PPFIA2: variants seen among roughly 807,000 people sequenced by gnomAD.
The protein encoded by PPFIA2 is liprin-alpha-2.
A neutral mutation model predicts 175.5 loss-of-function variants in PPFIA2; 46 were observed. The ratio of observed to expected loss-of-function variants is 0.26; its 90% CI spans 0.21 to 0.34. PPFIA2 has a LOEUF of 0.34. Among genes scored for constraint, PPFIA2 ranks in the 10% least tolerant of loss-of-function variants. The probability of loss-of-function intolerance (pLI) is 1.00; values close to 1 mark genes in which losing one functional copy is unlikely to be tolerated. For missense variants in PPFIA2, 1,179 were observed against 1,506.1 expected (o/e 0.78, Z 3.60); for synonymous variants, 568 against 511.4 (o/e 1.11, Z -1.49).
At chr12:81,662,613 A>G (rs921659544) in intron 4 of PPFIA2, among the ~76,000 whole-genome samples, 1 of 152,202 alleles carries the variant, frequency 6.6e-6, no homozygotes, top group African/African-American at 2.4e-5. Flanking sequence ...GCCGAATTCT[A>G]CCAGAGGTAC....
At chr12:81,362,559 GAA>G in intron 15 of PPFIA2, 132 bp downstream of exon 15, 1 of 481,642 alleles carries the variant, frequency 2.1e-6, no homozygotes, top group Non-Finnish European at 3.7e-6. Context: ...GCAAATCAGT[GAA>G]GAGTCAAAAC....
At chr12:81,501,648 A>G (rs1325537085) in intron 4 of PPFIA2, among the ~76,000 whole-genome samples, 1 of 152,182 alleles carries the variant, frequency 6.6e-6, no homozygotes, top group East Asian at 1.9e-4. Context: ...GGCATGTATT[A>G]TTATTACCCA....
At chr12:81,539,704 T>C (rs1442629627) in intron 4 of PPFIA2, among the ~76,000 whole-genome samples, 3 of 151,964 alleles carry the variant, frequency 2.0e-5, no homozygotes, top group African/African-American at 7.2e-5. Context: ...TAAATGTTAA[T>C]ACAGTGTCAC....
intron 24 of PPFIA2, among the ~76,000 whole-genome samples, chr12:81,288,837 C>G (rs1172692528): frequency 6.6e-6 from 1 of 151,748 alleles, no homozygotes; most frequent in Non-Finnish European, 1.5e-5. Flanking sequence ...ACACCTCACT[C>G]TCTTTTCAAT....
intron 3 of PPFIA2, among the ~76,000 whole-genome samples, chr12:81,693,517 T>C (rs866990214): frequency 1.3e-5 from 2 of 152,254 alleles, no homozygotes; most frequent in South Asian, 2.1e-4. Context: ...CCATGCTCCT[T>C]GTAAAGCCTG....
Position 81,341,064 on chromosome 12 carries a change from C to A in PPFIA2, c.2393+14G>T. On this transcript the variant is annotated intron_variant, in intron 20 of 32. Transcript: ENST00000549396. ...GGAGGGCATTCAGTGTGCAGTGTGC[C>A]TGCAGAGTCTTACCTTCGAGCATCA... The A allele has an allele frequency of 6.2e-7, 1 of 1,604,546 alleles. No homozygotes were observed. The highest frequency in any genetic ancestry group is 8.5e-7 in the Non-Finnish European group (1 of 1,172,790).
At chr12:81,638,842 T>A (rs972622396) in intron 4 of PPFIA2, among the ~76,000 whole-genome samples, 1 of 150,018 alleles carries the variant, frequency 6.7e-6, no homozygotes, top group Non-Finnish European at 1.5e-5. Flanking sequence ...CGCCCGCCAC[T>A]ACGCCCGGCT....
chr12:81,501,137 T>G (rs2060553601), intron 4 of PPFIA2, among the ~76,000 whole-genome samples: 1 of 152,224 alleles, frequency 6.6e-6, no homozygotes, highest in Non-Finnish European at 1.5e-5. Flanking sequence ...CTACATGATT[T>G]GAATTCCCTT....
chr12:81,325,922 A>G (rs1264967158), intron 21 of PPFIA2, 52 bp from the exon 22 acceptor site: 26 of 1,331,766 alleles, frequency 2.0e-5, no homozygotes, highest in Non-Finnish European at 2.7e-5. Flanking sequence ...GGTTGTGTCA[A>G]TTCTGAAGTC....
intron 11 of PPFIA2, among the ~76,000 whole-genome samples, chr12:81,373,117 A>C (rs984807991): frequency 2.0e-5 from 3 of 151,822 alleles, no homozygotes; most frequent in Non-Finnish European, 4.4e-5. Context: ...ATCAAAGGTT[A>C]ATGTGGGGCA....
At chr12:81,536,699 T>C (rs1207586846) in intron 4 of PPFIA2, among the ~76,000 whole-genome samples, 4 of 145,080 alleles carry the variant, frequency 2.8e-5, no homozygotes, top group African/African-American at 1.0e-4. Context: ...ATGCTATATA[T>C]ATATAGCATG....
At chr12:81,508,709 A>G (rs1254195158) in intron 4 of PPFIA2, among the ~76,000 whole-genome samples, 1 of 151,134 alleles carries the variant, frequency 6.6e-6, no homozygotes, top group Non-Finnish European at 1.5e-5. Flanking sequence ...GGTGCGCTGC[A>G]TCCACTAACT....
At chr12:81,277,604 C>T (rs1002237772) in intron 27 of PPFIA2, among the ~76,000 whole-genome samples, 190 bp from the exon 28 acceptor site, 1 of 151,736 alleles carries the variant, frequency 6.6e-6, no homozygotes, top group Admixed American at 6.6e-5. Flanking sequence ...CAAAATGTTT[C>T]GAAGTAATAG....
chr12:81,673,302 C>G (rs920814582), intron 4 of PPFIA2, among the ~76,000 whole-genome samples: 3 of 152,080 alleles, frequency 2.0e-5, no homozygotes, highest in African/African-American at 4.8e-5. Flanking sequence ...CACCCCAGTA[C>G]TTCAGTATTC....
At chr12:81,692,475 A>G (rs2153589591) in intron 3 of PPFIA2, among the ~76,000 whole-genome samples, 1 of 152,266 alleles carries the variant, frequency 6.6e-6, no homozygotes, top group Non-Finnish European at 1.5e-5. Context: ...TAGAGTCAAT[A>G]TTCATATATT....
chr12:81,384,546 GCTA>G (rs1188153729), intron 8 of PPFIA2, among the ~76,000 whole-genome samples: 1 of 151,708 alleles, frequency 6.6e-6, no homozygotes, highest in Non-Finnish European at 1.5e-5. Context: ...TTAAGTGTTA[GCTA>G]CTATTTTATA....
At chr12:81,451,750 T>G (rs757392013) in intron 5 of PPFIA2, among the ~76,000 whole-genome samples, 13 of 152,262 alleles carry the variant, frequency 8.5e-5, no homozygotes, top group Middle Eastern at 3.4e-3. Context: ...TTGAATTGGG[T>G]TAATGATAAA....
chr12:81,532,262 T>C (rs1360063720), intron 4 of PPFIA2, among the ~76,000 whole-genome samples: 2 of 151,834 alleles, frequency 1.3e-5, no homozygotes, highest in African/African-American at 4.8e-5. Flanking sequence ...GGGGTGGACA[T>C]TTTCAGATTT....
intron 13 of PPFIA2, chr12:81,368,199 A>AT: frequency 8.0e-7 from 1 of 1,253,928 alleles, no homozygotes; most frequent in South Asian, 1.2e-5. Context: ...TGTAAATCAC[A>AT]TTGCAGACTG....
Sources: gnomAD v4.1 joint callset for allele counts (sites outside exome capture counted in the v4.1 genomes callset) on GRCh38, gnomAD v4.1.1 for gene constraint, MANE v1.5 for transcripts, NCBI Gene and HGNC (gene_info 2026-07-23, HGNC 2026-07-21) for gene names.